NBAS: variants seen among roughly 807,000 people sequenced by gnomAD.
The protein encoded by NBAS is NBAS subunit of NRZ tethering complex, also known as NAG/BC035112 fusion.
NBAS carries 219 observed loss-of-function variants against 302.5 expected under a neutral mutation model. The ratio of observed to expected loss-of-function variants is 0.72; its 90% CI spans 0.65 to 0.81. NBAS has a LOEUF of 0.81. NBAS is among the 30% of genes least tolerant of loss of function. The probability of loss-of-function intolerance (pLI) is 0.00; values close to 1 mark genes in which losing one functional copy is unlikely to be tolerated. For missense variants in NBAS, 2,932 were observed against 2,841.6 expected, an observed-to-expected ratio of 1.03 and a Z score of -0.72; for synonymous variants, 1,118 against 1,021.6, an observed-to-expected ratio of 1.09 and a Z score of -1.80.
intron 1 of NBAS, 38 bp from the exon 2 acceptor site, chr2:15,558,672 T>C: frequency 1.4e-6 from 2 of 1,472,986 alleles, no homozygotes; most frequent in Non-Finnish European, 1.9e-6. Flanking sequence ...ATTTGAATCT[T>C]CTAGTAGTAT....
chr2:14,969,365 T>C, the NBAS span, among the ~76,000 whole-genome samples: 13,982 of 151,180 alleles, frequency 0.092, 1,744 homozygotes, highest in African/African-American at 0.27. Context: ...AAATAATATC[T>C]CAAAGTTATT....
the NBAS span, among the ~76,000 whole-genome samples, chr2:14,902,533 GT>G: frequency 6.6e-6 from 1 of 152,200 alleles, no homozygotes; most frequent in Non-Finnish European, 1.5e-5. Flanking sequence ...CTCTGTATAT[GT>G]AGACCCATGT....
the NBAS span, among the ~76,000 whole-genome samples, chr2:14,975,716 T>C: frequency 4.6e-5 from 7 of 152,122 alleles, no homozygotes; most frequent in Non-Finnish European, 7.4e-5. Flanking sequence ...CCCACATACG[T>C]TGATAATTTG....
At chr2:15,303,679 C>T (rs991124129) in intron 40 of NBAS, among the ~76,000 whole-genome samples, 10 of 152,272 alleles carry the variant, frequency 6.6e-5, no homozygotes, top group African/African-American at 2.4e-4. Flanking sequence ...ACAAACAGTA[C>T]ATGCATTAGG....
At chr2:15,062,760 T>G in the NBAS span, among the ~76,000 whole-genome samples, 1 of 152,194 alleles carries the variant, frequency 6.6e-6, no homozygotes, top group Non-Finnish European at 1.5e-5. Flanking sequence ...GACTGAACAT[T>G]GCAAATAGTA....
chr2:15,366,600 G>A lies in NBAS; in HGVS notation c.3797C>T (p.Ala1266Val), dbSNP rs1247460406. Reference protein sequence around the residue: ...YKQSTKLLGLAELLRVAGENP... With the variant: ...YKQSTKLLGLVELLRVAGENP... ...CTTACCTGCAACCCTCAGCAGCTCA[G>A]CAAGGCCCAGAAGCTTGGTGGATTG... The change falls in exon 32 of 52, where the codon GCT becomes GTT. Residue 1266 changes from alanine (A) to valine (V), a missense_variant. Coordinates refer to ENST00000281513, the MANE Select transcript of NBAS (RefSeq NM_015909.4). 2.5e-6 allele frequency: 4 copies of A among 1,614,076 alleles called. No homozygotes were observed. The highest frequency in any genetic ancestry group is 2.7e-5 in the African/African-American group (2 of 75,044).
the NBAS span, among the ~76,000 whole-genome samples, chr2:15,001,094 G>C: frequency 6.6e-6 from 1 of 152,096 alleles, no homozygotes; most frequent in Admixed American, 6.6e-5. Flanking sequence ...TGTTCAAATA[G>C]CATAGGCTTG....
At chr2:14,836,956 T>A in the NBAS span, among the ~76,000 whole-genome samples, 1 of 152,030 alleles carries the variant, frequency 6.6e-6, no homozygotes, top group East Asian at 1.9e-4. Flanking sequence ...TTTTTTCATG[T>A]GTATTTTTAT....
At chr2:15,389,174 G>T (rs138477845) in intron 28 of NBAS, among the ~76,000 whole-genome samples, 1 of 152,140 alleles carries the variant, frequency 6.6e-6, no homozygotes, top group Non-Finnish European at 1.5e-5. Flanking sequence ...GCCACGAGAG[G>T]GTAGATGAGT....
chr2:15,000,294 C>A, the NBAS span, among the ~76,000 whole-genome samples: 9 of 152,108 alleles, frequency 5.9e-5, no homozygotes, highest in Non-Finnish European at 1.3e-4. Flanking sequence ...AAAAGCCAAC[C>A]ACTTAGAATG....
the NBAS span, among the ~76,000 whole-genome samples, chr2:15,064,236 G>A: frequency 4.0e-5 from 6 of 150,844 alleles, no homozygotes; most frequent in Non-Finnish European, 8.8e-5. Context: ...AAACTGAGTT[G>A]GTTTCCTGAA....
chr2:15,420,849 A>T (rs921029456), intron 23 of NBAS, among the ~76,000 whole-genome samples: 1 of 152,208 alleles, frequency 6.6e-6, no homozygotes, highest in Non-Finnish European at 1.5e-5. Flanking sequence ...GAAGCAACGT[A>T]ATGCCAAGAA....
chr2:15,458,153 G>A (rs1337799386), intron 21 of NBAS, among the ~76,000 whole-genome samples: 1 of 152,166 alleles, frequency 6.6e-6, no homozygotes. Context: ...AGAAGGAAAT[G>A]AGGGAAAAAG....
chr2:15,391,581 T>C (rs1675607452), intron 28 of NBAS, among the ~76,000 whole-genome samples: 1 of 151,982 alleles, frequency 6.6e-6, no homozygotes, highest in Non-Finnish European at 1.5e-5. Flanking sequence ...AATAGATGTA[T>C]AATTGGAGTC....
the NBAS span, among the ~76,000 whole-genome samples, chr2:14,992,453 C>T: frequency 6.6e-6 from 1 of 152,200 alleles, no homozygotes; most frequent in African/African-American, 2.4e-5. Context: ...GTCATCTGTG[C>T]ACAATTTGTA....
chr2:15,157,666 T>G, the NBAS span, among the ~76,000 whole-genome samples: 7,438 of 152,212 alleles, frequency 0.049, 271 homozygotes, highest in East Asian at 0.16. Flanking sequence ...ATTTTTGCCC[T>G]AGAGAGAAGA....
chr2:14,934,170 G>A, the NBAS span, among the ~76,000 whole-genome samples: 4 of 152,112 alleles, frequency 2.6e-5, no homozygotes, highest in African/African-American at 7.2e-5. Flanking sequence ...TATATGAAAT[G>A]TAAAGTCCAC....
chr2:15,431,347 T>C (rs925941300), intron 21 of NBAS, among the ~76,000 whole-genome samples: 3 of 152,230 alleles, frequency 2.0e-5, no homozygotes, highest in Admixed American at 6.5e-5. Context: ...AAACAATGTA[T>C]TTTAAACCAA....
chr2:15,165,150 T>C (rs963132434), downstream of NBAS, among the ~76,000 whole-genome samples: 13 of 152,246 alleles, frequency 8.5e-5, no homozygotes, highest in Non-Finnish European at 1.6e-4. Flanking sequence ...CTCAGAATAT[T>C]GCTCACTCAA....
Sources: gnomAD v4.1 joint callset for allele counts (sites outside exome capture counted in the v4.1 genomes callset) on GRCh38, gnomAD v4.1.1 for gene constraint, MANE v1.5 for transcripts, NCBI Gene and HGNC (gene_info 2026-07-23, HGNC 2026-07-21) for gene names.